CYSLTR2: variants seen among roughly 807,000 people sequenced by gnomAD.
CYSLTR2 encodes the protein cysteinyl leukotriene receptor 2.
For synonymous variants in CYSLTR2, 179 were observed against 160.8 expected, an observed-to-expected ratio of 1.11 and a Z score of -0.86; for missense variants, 398 against 411.9, an observed-to-expected ratio of 0.97 and a Z score of 0.29.
At chr13:48,695,067 C>CTTTTTTTTTTTTT in intron 3 of CYSLTR2, among the ~76,000 whole-genome samples, 1 of 83,694 alleles carries the variant, frequency 1.2e-5, no homozygotes, top group South Asian at 4.2e-4. Context: ...CAGAACCTGG[C>CTTTTTTTTTTTTT]ATTTTTTTTT....
At chr13:48,682,127 G>T (rs576097941) in intron 1 of CYSLTR2, among the ~76,000 whole-genome samples, 57 of 152,104 alleles carry the variant, frequency 3.7e-4, no homozygotes, top group African/African-American at 1.3e-3. Context: ...GTGTGTTAAC[G>T]CTGGTTCTAG....
At chr13:48,701,421 G>A (rs987796311) in intron 4 of CYSLTR2, among the ~76,000 whole-genome samples, 1 of 152,146 alleles carries the variant, frequency 6.6e-6, no homozygotes, top group African/African-American at 2.4e-5. Flanking sequence ...GGGAAAACTG[G>A]CTAGCCATAT....
chr13:48,701,662 G>A (rs1220049720), intron 4 of CYSLTR2, among the ~76,000 whole-genome samples: 4 of 152,174 alleles, frequency 2.6e-5, no homozygotes, highest in African/African-American at 9.7e-5. Flanking sequence ...ATGAAAAAAT[G>A]CTCATCATCA....
chr13:48,659,446 GT>G (rs1953075570), intron 1 of CYSLTR2, among the ~76,000 whole-genome samples: 1 of 152,198 alleles, frequency 6.6e-6, no homozygotes. Flanking sequence ...ATGTCTCTAT[GT>G]CATTTTAGGA....
At chr13:48,672,732 C>A (rs1299246599) in intron 1 of CYSLTR2, among the ~76,000 whole-genome samples, 5 of 151,520 alleles carry the variant, frequency 3.3e-5, no homozygotes, top group Admixed American at 6.6e-5. Flanking sequence ...ATTCTCCTGC[C>A]TCAGCCTCCT....
At chr13:48,683,951 C>G (rs1953827676) in intron 1 of CYSLTR2, among the ~76,000 whole-genome samples, 1 of 152,170 alleles carries the variant, frequency 6.6e-6, no homozygotes, top group Non-Finnish European at 1.5e-5. Context: ...GACAGTCTCA[C>G]TCTGTCATCC....
At chr13:48,655,852 C>T (rs1952984584) in intron 1 of CYSLTR2, among the ~76,000 whole-genome samples, 1 of 152,058 alleles carries the variant, frequency 6.6e-6, no homozygotes, top group Non-Finnish European at 1.5e-5. Flanking sequence ...GGCACATGGT[C>T]CTTTCTTACA....
At chr13:48,690,463 AG>A (rs1954009605) in intron 1 of CYSLTR2, among the ~76,000 whole-genome samples, 2 of 152,168 alleles carry the variant, frequency 1.3e-5, no homozygotes, top group African/African-American at 4.8e-5. Context: ...TTTAGCATAA[AG>A]GGGTGTTGAA....
intron 1 of CYSLTR2, among the ~76,000 whole-genome samples, chr13:48,660,098 A>G (rs1228208906): frequency 6.6e-6 from 1 of 152,172 alleles, no homozygotes; most frequent in African/African-American, 2.4e-5. Flanking sequence ...TGTTAGTGGT[A>G]GGATGAATGT....
At position 48,707,956 on chromosome 13, in the gene CYSLTR2, G is replaced by C; in HGVS notation, c.*98G>C. On this transcript the variant is annotated 3_prime_UTR_variant, in exon 5 of 5. Coordinates refer to ENST00000682523, the MANE Select transcript of CYSLTR2 (RefSeq NM_001308476.3). The stretch of plus-strand genomic sequence containing the variant: ...TGTATTTACATCACTCCCAACAAAT[G>C]TTGATTCTTAATATTTAGTTGACCA... 1 of 1,001,752 alleles carries C rather than the reference G, an allele frequency of 1.0e-6. No homozygotes were observed. The highest frequency in any genetic ancestry group is 2.7e-5 in the East Asian group (1 of 37,394). The allele number at this position is 1,001,752 out of a possible 1,614,324, so 62.1% of individuals were successfully genotyped here.
rs189212263 is a variant in CYSLTR2 at position 48,664,406 on chromosome 13, G to A, written c.-266+10389G>A. Among the ~76,000 whole-genome samples, 242 of 152,094 alleles carry A rather than the reference G, an allele frequency of 1.6e-3. 2 individuals carry two copies. The highest frequency in any genetic ancestry group is 7.7e-4 in the East Asian group (4 of 5,190). On this transcript the variant is annotated intron_variant, in intron 1 of 4. Coordinates refer to ENST00000682523, the MANE Select transcript of CYSLTR2 (RefSeq NM_001308476.3). ...TTTTTGGAATAGTTTTAGATGAACC[G>A]ATATGAATTCTTCTTTAAAGATTCA... is the stretch of plus-strand genomic sequence containing the variant.
intron 1 of CYSLTR2, among the ~76,000 whole-genome samples, chr13:48,684,292 G>A (rs552850358): frequency 1.6e-4 from 25 of 152,162 alleles, no homozygotes; most frequent in Admixed American, 4.6e-4. Context: ...GAGTAAAGGA[G>A]TGGGGTAATC....
intron 1 of CYSLTR2, among the ~76,000 whole-genome samples, chr13:48,654,813 T>A (rs1408559649): frequency 6.6e-6 from 1 of 152,134 alleles, no homozygotes; most frequent in Admixed American, 6.6e-5. Flanking sequence ...GATCAGTGAG[T>A]CATCTGCAGT....
rs572329614 is a variant in CYSLTR2, at chr13:48,674,076, T to C, written c.-265-17136T>C. On this transcript the variant is annotated intron_variant, in intron 1 of 4. Coordinates refer to ENST00000682523, the MANE Select transcript of CYSLTR2 (RefSeq NM_001308476.3). ...AACATTTTTTCCTTCACTTCAGCCC[T>C]GGTGAATCTGATGATTATGTGTCTT... Among the ~76,000 whole-genome samples the C allele has an allele frequency of 2.2e-4, 34 of 152,310 alleles. No homozygotes were observed. In the South Asian group the frequency reaches 7.0e-3, roughly 32 times the overall value.
chr13:48,703,085 A>G (rs1030186882), intron 4 of CYSLTR2, among the ~76,000 whole-genome samples: 2 of 152,102 alleles, frequency 1.3e-5, no homozygotes, highest in African/African-American at 4.8e-5. Flanking sequence ...GTGTGCTCAT[A>G]TGTGTATTAC....
chr13:48,675,897 G>T (rs1055859335), intron 1 of CYSLTR2, among the ~76,000 whole-genome samples: 1 of 152,204 alleles, frequency 6.6e-6, no homozygotes, highest in African/African-American at 2.4e-5. Flanking sequence ...CTTGGCTAGG[G>T]GAGGGAGTTC....
chr13:48,667,294 C>T (rs368482680), intron 1 of CYSLTR2, among the ~76,000 whole-genome samples: 7 of 152,192 alleles, frequency 4.6e-5, no homozygotes, highest in Admixed American at 6.5e-5. Flanking sequence ...GATGGGTCAA[C>T]GAACTATGGG....
chr13:48,686,917 T>TA (rs1379763481), intron 1 of CYSLTR2, among the ~76,000 whole-genome samples: 2 of 152,198 alleles, frequency 1.3e-5, no homozygotes, highest in African/African-American at 4.8e-5. Flanking sequence ...GACTTCTGCG[T>TA]ATGTCTGTGA....
intron 1 of CYSLTR2, among the ~76,000 whole-genome samples, chr13:48,672,230 G>A (rs191635059): frequency 9.2e-5 from 14 of 151,848 alleles, no homozygotes; most frequent in East Asian, 1.9e-4. Flanking sequence ...TTTCAAAAAC[G>A]CAGCTTTTGA....
Sources: allele counts gnomAD v4.1 joint callset (sites outside exome capture counted in the v4.1 genomes callset), GRCh38; gene constraint gnomAD v4.1.1; transcripts MANE v1.5; gene names NCBI Gene and HGNC (gene_info 2026-07-23, HGNC 2026-07-21).